Variants in CIMIP2B observed in about 807,000 individuals in gnomAD.
CIMIP2B encodes ciliary microtubule inner protein 2B.
chr9:35,562,984 C>T, the CIMIP2B span: 1 of 1,614,002 alleles, frequency 6.2e-7, no homozygotes, highest in South Asian at 1.1e-5. Flanking sequence ...CTCTTCACTC[C>T]CTTGCTTTTC....
At chr9:35,561,919 A>ACCTTTC in the CIMIP2B span, 2 of 109,268 alleles carry the variant, frequency 1.8e-5, no homozygotes, top group Admixed American at 1.2e-4. Context: ...GTGTTCCCCC[A>ACCTTTC]CCCTCCCACC....
At chr9:35,562,145 C>T in the CIMIP2B span, 1 of 1,378,412 alleles carries the variant, frequency 7.3e-7, no homozygotes, top group African/African-American at 1.4e-5. Context: ...ATGGCAAAGC[C>T]ATTTAATTCT....
At chr9:35,562,797 G>T in the CIMIP2B span, 1 of 1,608,108 alleles carries the variant, frequency 6.2e-7, no homozygotes, top group Non-Finnish European at 8.5e-7. Flanking sequence ...CACTACTCAT[G>T]CTGCCCCCAC....
the CIMIP2B span, chr9:35,562,900 TCCTCCAGCTGCC>T: frequency 3.7e-6 from 6 of 1,613,980 alleles, no homozygotes; most frequent in Non-Finnish European, 5.1e-6. Flanking sequence ...CAGTGTCGGC[TCCTCCAGCTGCC>T]CCTCCGGCTC....
At chr9:35,563,445 G>T in the CIMIP2B span, 1 of 1,384,242 alleles carries the variant, frequency 7.2e-7, no homozygotes, top group Non-Finnish European at 1.0e-6. Flanking sequence ...ATCCCCAGAG[G>T]CAGAAGCGGA....
the CIMIP2B span, chr9:35,563,157 C>CGTACAAACCTGT: frequency 6.2e-7 from 1 of 1,613,074 alleles, no homozygotes; most frequent in Non-Finnish European, 8.5e-7. Context: ...TGCATACCTG[C>CGTACAAACCTGT]GTACAAACCT....
At chr9:35,562,448 A>AGAT in the CIMIP2B span, 1 of 1,577,126 alleles carries the variant, frequency 6.3e-7, no homozygotes, top group Non-Finnish European at 8.6e-7. Context: ...AAGTGGGGGG[A>AGAT]GATGTTTGGG....
the CIMIP2B span, chr9:35,562,385 A>ACG: frequency 6.8e-7 from 1 of 1,478,682 alleles, no homozygotes; most frequent in African/African-American, 1.4e-5. Context: ...CTCACCTGGC[A>ACG]CGTAGCCCCC....
At chr9:35,563,109 T>C in the CIMIP2B span, 1 of 1,613,418 alleles carries the variant, frequency 6.2e-7, no homozygotes, top group Non-Finnish European at 8.5e-7. Flanking sequence ...GGAAGACTCG[T>C]TAGTGTTTGG....
chr9:35,563,371 T>C, the CIMIP2B span: 4 of 1,612,678 alleles, frequency 2.5e-6, no homozygotes, highest in East Asian at 2.2e-5. Flanking sequence ...ACCGAAGTAG[T>C]GGGCAGTGTC....
At chr9:35,563,741 C>A in the CIMIP2B span, 11 of 1,604,592 alleles carry the variant, frequency 6.9e-6, no homozygotes, top group African/African-American at 1.3e-4. Flanking sequence ...CAGCAGCAAG[C>A]GGGGAGCGCT....
At chr9:35,562,398 A>T in the CIMIP2B span, 1 of 1,500,790 alleles carries the variant, frequency 6.7e-7, no homozygotes, top group Non-Finnish European at 8.9e-7. Flanking sequence ...TAGCCCCCAT[A>T]GTTAGGTAAA....
At chr9:35,561,931 TC>T in the CIMIP2B span, 1 of 183,666 alleles carries the variant, frequency 5.4e-6, no homozygotes. Context: ...CCTCCCACCC[TC>T]CCACCCACCT....
At chr9:35,562,897 G>A in the CIMIP2B span, 73 of 1,613,760 alleles carry the variant, frequency 4.5e-5, no homozygotes, top group Admixed American at 4.5e-4. Context: ...CTCCAGTGTC[G>A]GCTCCTCCAG....
chr9:35,562,850 C>T, the CIMIP2B span: 1 of 1,613,722 alleles, frequency 6.2e-7, no homozygotes, highest in Non-Finnish European at 8.5e-7. Flanking sequence ...CACCTCTGCA[C>T]TCCCCACCAG....
chr9:35,562,801 C>CT, the CIMIP2B span: 22 of 1,607,546 alleles, frequency 1.4e-5, no homozygotes, highest in Non-Finnish European at 1.8e-5. Flanking sequence ...ACTCATGCTG[C>CT]CCCCACTGCC....
the CIMIP2B span, chr9:35,561,905 C>CTT: frequency 2.6e-6 from 2 of 772,770 alleles, no homozygotes; most frequent in Non-Finnish European, 4.3e-6. Flanking sequence ...ACCATTTTCT[C>CTT]TTTGTGTTCC....
the CIMIP2B span, chr9:35,562,751 T>G: frequency 6.2e-6 from 10 of 1,612,202 alleles, no homozygotes; most frequent in African/African-American, 1.3e-4. Context: ...GAGGTGGAGC[T>G]GACAATCAAG....
the CIMIP2B span, chr9:35,563,316 G>A: frequency 7.4e-6 from 12 of 1,613,942 alleles, no homozygotes; most frequent in Admixed American, 3.3e-5. Context: ...GGAGGGCCTC[G>A]AAGTAGCTGA....
Sources: gnomAD v4.1 joint callset for allele counts on GRCh38, gnomAD v4.1.1 for gene constraint, MANE v1.5 for transcripts, NCBI Gene and HGNC (gene_info 2026-07-23, HGNC 2026-07-21) for gene names.